The following CCDC87 variants were observed in gnomAD, a reference collection of about 807,000 sequenced individuals.
CCDC87 encodes the protein coiled-coil domain containing 87, also known as coiled-coil domain-containing protein 87.
For synonymous variants in CCDC87, 434 were observed against 440.2 expected (o/e 0.99, Z 0.18); for missense variants, 1,072 against 1,041.7 (o/e 1.03, Z -0.40).
In CCDC87 at chr11:66,592,757, T is replaced by C. The variant is rs1309183671; in HGVS notation, c.259A>G (p.Ile87Val). The change falls in exon 1 of 1, where the codon ATC (isoleucine) becomes GTC (valine). Residue 87 changes from isoleucine to valine, a missense_variant. Transcript: ENST00000333861. The stretch of plus-strand genomic sequence containing the variant: ...CAGCTGCACTTCAGCTCGTCCAGGA[T>C]GACCTTGATGAGACGTAGTCGGGCC... ...PEARLRLIKV[I>V]LDELKCSWRE... 6.2e-7 allele frequency: 1 copy of C among 1,613,758 alleles called. No homozygotes were observed. Among genetic ancestry groups the C allele is most frequent in the Non-Finnish European group, 8.5e-7 (1 of 1,179,964 alleles).
Position 66,592,507 on chromosome 11 carries a change from T to C in CCDC87, c.509A>G (p.Asn170Ser). The C allele has an allele frequency of 4.3e-6, 7 of 1,613,588 alleles. No homozygotes were observed. Among genetic ancestry groups the C allele is most frequent in the Non-Finnish European group, 5.9e-6 (7 of 1,180,030 alleles). ...GTCGGCAAGCAGGCCACGGTAGACGTTGGGACTAGTAAGGAAGAGTGTGCA... is the reference window on the plus strand; with the variant it reads ...GTCGGCAAGCAGGCCACGGTAGACGCTGGGACTAGTAAGGAAGAGTGTGCA... ...RDCTLFLTSP[N>S]VYRGLLADFQ... The change falls in exon 1 of 1, where the codon AAC becomes AGC. Residue 170 changes from asparagine to serine, a missense_variant. Physicochemically the swap from Asn to Ser is conservative, Grantham distance 46 (BLOSUM62 1). Coordinates refer to ENST00000333861, the MANE Select transcript of CCDC87 (RefSeq NM_018219.3).
chr11:66,592,944 G>A lies in CCDC87; in HGVS notation c.72C>T (p.Leu24=). The A allele has an allele frequency of 6.6e-7, 1 of 1,519,308 alleles. No individual in the cohort carries two copies. The highest frequency in any genetic ancestry group is 1.4e-5 in the African/African-American group (1 of 71,822). The allele number at this position is 1,519,308 out of a possible 1,614,324, so 94.1% of individuals were successfully genotyped here. A position where few individuals can be genotyped will look rare whatever the true frequency, so the allele number is the denominator to read the frequency against. ...FYHRLLRPLS[L]FPTRTTSPEP... ...CTGGGGACGTCGTCCTAGTGGGGAA[G>A]AGCGACAGCGGACGCAGCAGCCGGT... The change falls in exon 1 of 1, where the codon CTC becomes CTT. Residue 24 remains leucine (L), a synonymous_variant. Transcript: ENST00000333861.
In CCDC87 at chr11:66,590,546, G is replaced by T; in HGVS notation, c.2470C>A (p.Arg824=). 1 of 1,614,166 alleles carries T rather than the reference G, an allele frequency of 6.2e-7. No individual in the cohort carries two copies. The highest frequency in any genetic ancestry group is 2.2e-5 in the East Asian group (1 of 44,882). The part of the protein sequence containing the change: ...VEMLYWLQQQ[R]RVRHLVSALK... Reference sequence around the variant, plus strand: ...GCCGAGACCAGGTGGCGAACCCGCCGCTGCTGTTGCAGCCAATAGAGCATC... The same window carrying T: ...GCCGAGACCAGGTGGCGAACCCGCCTCTGCTGTTGCAGCCAATAGAGCATC... Residue 824 remains arginine (R), a synonymous_variant, in exon 1 of 1, where the codon CGG becomes AGG. Transcript: ENST00000333861.
At position 66,592,648 on chromosome 11, in the gene CCDC87, C is replaced by G. The variant is rs757731836; in HGVS notation, c.368G>C (p.Ser123Thr). 6 of 1,613,826 alleles carry G rather than the reference C, an allele frequency of 3.7e-6. No individual in the cohort carries two copies. The highest frequency in any genetic ancestry group is 1.7e-5 in the Admixed American group (1 of 60,016). Residue 123 changes from serine (S) to threonine (T), a missense_variant, in exon 1 of 1, where the codon AGC becomes ACC. Ser to Thr is a moderately conservative substitution (Grantham distance 58). Transcript: ENST00000333861. Reference sequence around the variant, plus strand: ...GTAGCGCAAGAAGAGCTGCTCGCTGCTCAGCAGCACGTAGGCCTCGAGCCG... The same window carrying G: ...GTAGCGCAAGAAGAGCTGCTCGCTGGTCAGCAGCACGTAGGCCTCGAGCCG... The part of the protein sequence containing the change: ...RKRLEAYVLL[S>T]SEQLFLRYLH...
chr11:66,591,089 C>A lies in CCDC87; in HGVS notation c.1927G>T (p.Asp643Tyr). ...EIQHPPPLLE[D>Y]EEPDFVPGEW... ...CCTGGCACAAAGTCTGGTTCTTCATCTTCTAGCAATGGGGGAGGGTGCTGA... is the reference window on the plus strand; with the variant it reads ...CCTGGCACAAAGTCTGGTTCTTCATATTCTAGCAATGGGGGAGGGTGCTGA... Residue 643 changes from aspartate (D) to tyrosine (Y), a missense_variant, in exon 1 of 1, where the codon GAT becomes TAT. Physicochemically the swap from Asp to Tyr is radical, Grantham distance 160. Coordinates refer to ENST00000333861, the MANE Select transcript of CCDC87 (RefSeq NM_018219.3). The A allele has an allele frequency of 6.2e-7, 1 of 1,614,114 alleles. No individual in the cohort carries two copies. The highest frequency in any genetic ancestry group is 2.2e-5 in the East Asian group (1 of 44,884).
chr11:66,591,573 C>T lies in CCDC87; in HGVS notation c.1443G>A (p.Met481Ile), dbSNP rs1056936915. The T allele has an allele frequency of 2.5e-6, 4 of 1,614,130 alleles. No individual in the cohort carries two copies. The highest frequency in any genetic ancestry group is 3.4e-6 in the Non-Finnish European group (4 of 1,180,018). Reference protein sequence around the residue: ...GELDPKAIEKMDIDNFVGSTT... With the variant: ...GELDPKAIEKIDIDNFVGSTT... ...TACTGCCAACAAAGTTATCAATATC[C>T]ATTTTTTCAATGGCTTTGGGATCCA... Residue 481 changes from methionine to isoleucine, a missense_variant, in exon 1 of 1, where the codon ATG (methionine) becomes ATA (isoleucine). By Grantham distance (10) the Met-to-Ile change is conservative (BLOSUM62 1). Transcript: ENST00000333861.
Position 66,590,901 on chromosome 11 carries a change from A to C in CCDC87, c.2115T>G (p.Tyr705Ter). 1 of 1,613,716 alleles carries C rather than the reference A, an allele frequency of 6.2e-7. No homozygotes were observed. Among genetic ancestry groups the C allele is most frequent in the Non-Finnish European group, 8.5e-7 (1 of 1,180,048 alleles). ...GCTGCCTCAGGCGGGCTTTGGAGCT[A>C]TATTTAATGGTCATGTCCACCTGGT... ...DKDQVDMTIKYSSKARLRQLP... is the reference protein window; with the variant it reads ...DKDQVDMTIK Residue 705 changes from tyrosine (Y) to a stop codon, truncating the protein, a stop_gained, in exon 1 of 1, where the codon TAT (tyrosine) becomes TAG (stop). Coordinates refer to ENST00000333861, the MANE Select transcript of CCDC87 (RefSeq NM_018219.3). LOFTEE classifies it low-confidence loss of function (END_TRUNC).
rs767508357 is a variant in CCDC87 at position 66,592,193 on chromosome 11, C to A, written c.823G>T (p.Glu275Ter). The change falls in exon 1 of 1, where the codon GAA (glutamate) becomes TAA (stop). Residue 275 changes from glutamate (E) to a stop codon, truncating the protein, a stop_gained. Transcript: ENST00000333861. LOFTEE classifies it low-confidence loss of function (END_TRUNC). The stretch of plus-strand genomic sequence containing the variant: ...ATCTGTGAGGAACTGATGTCGATTT[C>A]TCTCTTCTTTCCTATGGAGGGCAGC... Reference protein sequence around the residue: ...HWLPSIGKKREIDISSSQMVS... With the variant: ...HWLPSIGKKR The A allele has an allele frequency of 5.0e-6, 8 of 1,602,234 alleles. No individual in the cohort carries two copies. Among genetic ancestry groups the A allele is most frequent in the Non-Finnish European group, 6.8e-6 (8 of 1,174,426 alleles).
At position 66,592,967 on chromosome 11, in the gene CCDC87, G is replaced by C. The variant is rs766222979; in HGVS notation, c.49C>G (p.Arg17Gly). 1.3e-6 allele frequency: 2 copies of C among 1,517,744 alleles called. No homozygotes were observed. Among genetic ancestry groups the C allele is most frequent in the Non-Finnish European group, 1.8e-6 (2 of 1,135,956 alleles). 94.0% of individuals were successfully genotyped at this position (1,517,744 alleles called of 1,614,324 possible). ...PEPELQRFYH[R>G]LLRPLSLFPT... Reference sequence around the variant, plus strand: ...AAGAGCGACAGCGGACGCAGCAGCCGGTGGTAAAACCGCTGGAGCTCAGGC... The same window carrying C: ...AAGAGCGACAGCGGACGCAGCAGCCCGTGGTAAAACCGCTGGAGCTCAGGC... Residue 17 changes from arginine (R) to glycine (G), a missense_variant, in exon 1 of 1, where the codon CGG (arginine) becomes GGG (glycine). Coordinates refer to ENST00000333861, the MANE Select transcript of CCDC87 (RefSeq NM_018219.3).
rs1858325943 is a variant in CCDC87 at position 66,590,311 on chromosome 11, A to C, written c.*155T>G. 1.7e-6 allele frequency: 1 copy of C among 604,740 alleles called. No homozygotes were observed. Among genetic ancestry groups the C allele is most frequent in the East Asian group, 2.8e-5 (1 of 35,582 alleles). 37.5% of individuals were successfully genotyped at this position (604,740 alleles called of 1,614,324 possible). A position where few individuals can be genotyped will look rare whatever the true frequency, so the allele number is the denominator to read the frequency against. ...CAATCCCTTCATAGTTGGAAGCATAATGTTCCTGAACCCTCCACTCCCAGA... is the reference window on the plus strand; with the variant it reads ...CAATCCCTTCATAGTTGGAAGCATACTGTTCCTGAACCCTCCACTCCCAGA... On this transcript the variant is annotated 3_prime_UTR_variant, in exon 1 of 1. Transcript: ENST00000333861.
chr11:66,590,568 C>T lies in CCDC87; in HGVS notation c.2448G>A (p.Met816Ile). 1.2e-6 allele frequency: 2 copies of T among 1,614,226 alleles called. No individual in the cohort carries two copies. The highest frequency in any genetic ancestry group is 1.1e-5 in the South Asian group (1 of 91,086). Residue 816 changes from methionine to isoleucine, a missense_variant, in exon 1 of 1, where the codon ATG (methionine) becomes ATA (isoleucine). By Grantham distance (10) the Met-to-Ile change is conservative. Coordinates refer to ENST00000333861, the MANE Select transcript of CCDC87 (RefSeq NM_018219.3). ...LDKMKSDKVE[M>I]LYWLQQQRRV... The stretch of plus-strand genomic sequence containing the variant: ...GCCGCTGCTGTTGCAGCCAATAGAG[C>T]ATCTCCACTTTGTCACTCTTCATCT...
rs150538178 is a variant in CCDC87 at position 66,591,975 on chromosome 11, C to G, written c.1041G>C (p.Glu347Asp). 4 of 1,613,900 alleles carry G rather than the reference C, an allele frequency of 2.5e-6. No individual in the cohort carries two copies. The highest frequency in any genetic ancestry group is 3.4e-6 in the Non-Finnish European group (4 of 1,180,028). ...CCTCAGCCACGATGAGCCCAGTCAG[C>G]TCTGGTTTGCTCTCTGTAGCCAAGA... Reference protein sequence around the residue: ...PLVLATESKPELTGLIVAEDL... With the variant: ...PLVLATESKPDLTGLIVAEDL... The change falls in exon 1 of 1, where the codon GAG (glutamate) becomes GAC (aspartate). Residue 347 changes from glutamate to aspartate, a missense_variant. Coordinates refer to ENST00000333861, the MANE Select transcript of CCDC87 (RefSeq NM_018219.3).
chr11:66,590,840 TC>T lies in CCDC87; in HGVS notation c.2175del (p.Lys726SerfsTer13), dbSNP rs1858339910. The part of the protein sequence containing the change: ...PSLVNAWERA[L>X]KPIQLREALL... ...AATGCCTCCCGCAGCTGAATGGGCT[TC>T]AGGGCCCGCTCCCAGGCATTCACCA... is the stretch of plus-strand genomic sequence containing the variant. On this transcript the variant is annotated frameshift_variant, in exon 1 of 1. Transcript: ENST00000333861. LOFTEE classifies it low-confidence loss of function (END_TRUNC). 1 of 1,613,754 alleles carries T rather than the reference TC, an allele frequency of 6.2e-7. No homozygotes were observed. The highest frequency in any genetic ancestry group is 8.5e-7 in the Non-Finnish European group (1 of 1,180,046).
At position 66,590,524 on chromosome 11, in the gene CCDC87, G is replaced by C; in HGVS notation, c.2492C>G (p.Ser831Trp). Reference sequence around the variant, plus strand: ...TGACTGGTGGGGATCCTTCAGGGCCGAGACCAGGTGGCGAACCCGCCGCTG... The same window carrying C: ...TGACTGGTGGGGATCCTTCAGGGCCCAGACCAGGTGGCGAACCCGCCGCTG... The part of the protein sequence containing the change: ...QQQRRVRHLV[S>W]ALKDPHQSTL... The change falls in exon 1 of 1, where the codon TCG becomes TGG. Residue 831 changes from serine to tryptophan, a missense_variant. Ser to Trp is a radical substitution (Grantham distance 177). Coordinates refer to ENST00000333861, the MANE Select transcript of CCDC87 (RefSeq NM_018219.3). The C allele has an allele frequency of 6.2e-7, 1 of 1,614,010 alleles. No individual in the cohort carries two copies. Among genetic ancestry groups the C allele is most frequent in the Non-Finnish European group, 8.5e-7 (1 of 1,179,944 alleles).
At position 66,591,320 on chromosome 11, in the gene CCDC87, G is replaced by C. The variant is rs1858351376; in HGVS notation, c.1696C>G (p.Leu566Val). The C allele has an allele frequency of 6.2e-7, 1 of 1,614,198 alleles. No individual in the cohort carries two copies. The highest frequency in any genetic ancestry group is 1.3e-5 in the African/African-American group (1 of 75,048). The change falls in exon 1 of 1, where the codon CTC (leucine) becomes GTC (valine). Residue 566 changes from leucine to valine, a missense_variant. Coordinates refer to ENST00000333861, the MANE Select transcript of CCDC87 (RefSeq NM_018219.3). ...CTTTTGGTAGCTTGGAGTGATGGGA[G>C]GGAGGGCATCTTCTTAGTATTGGAC... ...LQSNTKKMPS[L>V]PSLQATKSWE... is the part of the protein sequence containing the mutation.
rs1345017282 is a variant in CCDC87 at position 66,591,870 on chromosome 11, C to T, written c.1146G>A (p.Leu382=). Residue 382 remains leucine (L), a synonymous_variant, in exon 1 of 1, where the codon CTG becomes CTA. Transcript: ENST00000333861. ...CAGCTGGGTGACGGGTCACAACCCC[C>T]AGGAGAGGAGGCAGGCCTGAGTCCA... The part of the protein sequence containing the change: ...PPLDSGLPPL[L]GVVTRHPAAG... 1 of 1,613,824 alleles carries T rather than the reference C, an allele frequency of 6.2e-7. No individual in the cohort carries two copies. Among genetic ancestry groups the T allele is most frequent in the East Asian group, 2.2e-5 (1 of 44,890 alleles).
chr11:66,592,375 C>T lies in CCDC87; in HGVS notation c.641G>A (p.Ser214Asn), dbSNP rs2134974746. The change falls in exon 1 of 1, where the codon AGC becomes AAC. Residue 214 changes from serine to asparagine, a missense_variant. Ser to Asn is a conservative substitution (Grantham distance 46). Coordinates refer to ENST00000333861, the MANE Select transcript of CCDC87 (RefSeq NM_018219.3). The stretch of plus-strand genomic sequence containing the variant: ...GCACTGCACTTGGGCGAAGCCAGTG[C>T]TGTGAGGCCAGGGGATAGGGCACAG... The part of the protein sequence containing the change: ...FKLCPIPWPH[S>N]TGFAQVQCSN... 1.2e-6 allele frequency: 2 copies of T among 1,614,198 alleles called. No homozygotes were observed. The highest frequency in any genetic ancestry group is 4.5e-5 in the East Asian group (2 of 44,888).
rs868616442 is a variant in CCDC87, at chr11:66,592,906, C to T, written c.110G>A (p.Arg37His). 2 of 1,531,864 alleles carry T rather than the reference C, an allele frequency of 1.3e-6. No homozygotes were observed. The highest frequency in any genetic ancestry group is 2.8e-5 in the African/African-American group (2 of 72,202). 94.9% of individuals were successfully genotyped at this position (1,531,864 alleles called of 1,614,324 possible). Reference sequence around the variant, plus strand: ...CAGAATCCGGCCCTCCTGCGGGGGGCGCTTCTGAGGCTCTGGGGACGTCGT... The same window carrying T: ...CAGAATCCGGCCCTCCTGCGGGGGGTGCTTCTGAGGCTCTGGGGACGTCGT... ...TRTTSPEPQK[R>H]PPQEGRILQS... The change falls in exon 1 of 1, where the codon CGC becomes CAC. Residue 37 changes from arginine to histidine, a missense_variant. Physicochemically the swap from Arg to His is conservative, Grantham distance 29. Coordinates refer to ENST00000333861, the MANE Select transcript of CCDC87 (RefSeq NM_018219.3).
Position 66,592,486 on chromosome 11 carries a change from G to T in CCDC87, c.530C>A (p.Ala177Asp). ...TGCCCTCAGCAGGGCCTGGAAGTCG[G>T]CAAGCAGGCCACGGTAGACGTTGGG... ...TSPNVYRGLL[A>D]DFQALLRAEQ... The change falls in exon 1 of 1, where the codon GCC becomes GAC. Residue 177 changes from alanine (A) to aspartate (D), a missense_variant. Transcript: ENST00000333861. 1 of 1,613,730 alleles carries T rather than the reference G, an allele frequency of 6.2e-7. No individual in the cohort carries two copies. Among genetic ancestry groups the T allele is most frequent in the Non-Finnish European group, 8.5e-7 (1 of 1,180,024 alleles).
Sources: gnomAD v4.1 joint callset for allele counts on GRCh38, gnomAD v4.1.1 for gene constraint, MANE v1.5 for transcripts, NCBI Gene and HGNC (gene_info 2026-07-23, HGNC 2026-07-21) for gene names.